The following PPP2R2C variants were observed in gnomAD, a reference collection of about 807,000 sequenced individuals.
PPP2R2C encodes protein phosphatase 2 regulatory subunit Bgamma.
PPP2R2C carries 10 observed loss-of-function variants against 45.3 expected under a neutral mutation model. The observed-to-expected ratio is 0.22, with a 90% CI of 0.14 to 0.37. PPP2R2C has a LOEUF of 0.37. PPP2R2C is among the 10% of genes least tolerant of loss of function. The pLI is 1.00. For missense variants in PPP2R2C, 308 were observed against 619.7 expected, an observed-to-expected ratio of 0.50 and a Z score of 5.34; for synonymous variants, 257 against 245.4, an observed-to-expected ratio of 1.05 and a Z score of -0.44.
chr4:6,417,051 C>T (rs909712588), intron 1 of PPP2R2C, among the ~76,000 whole-genome samples: 1 of 152,230 alleles, frequency 6.6e-6, no homozygotes, highest in African/African-American at 2.4e-5. Context: ...GGAAGCCCAC[C>T]GGGCCCCTGA....
chr4:6,531,187 T>C (rs1475018439), intron 2 of PPP2R2C, among the ~76,000 whole-genome samples: 1 of 152,176 alleles, frequency 6.6e-6, no homozygotes, highest in East Asian at 1.9e-4. Flanking sequence ...GGCACCGCTC[T>C]CCAGGGCAGT....
At chr4:6,439,130 G>T (rs1452361018) in intron 1 of PPP2R2C, among the ~76,000 whole-genome samples, 1 of 152,236 alleles carries the variant, frequency 6.6e-6, no homozygotes, top group Non-Finnish European at 1.5e-5. Context: ...GAAACAGGTA[G>T]AAGAGATACA....
chr4:6,350,792 G>C, intron 5 of PPP2R2C: 1 of 985,364 alleles, frequency 1.0e-6, no homozygotes, highest in Admixed American at 6.1e-5. Context: ...GCCAGCACGT[G>C]GTCTGCTGTG....
intron 2 of PPP2R2C, among the ~76,000 whole-genome samples, chr4:6,521,923 C>T (rs1000301179): frequency 6.6e-6 from 1 of 152,222 alleles, no homozygotes; most frequent in African/African-American, 2.4e-5. Flanking sequence ...AACCTGCCTC[C>T]AGCGGTGACT....
chr4:6,508,411 C>T (rs575022778), intron 2 of PPP2R2C, among the ~76,000 whole-genome samples: 1 of 152,198 alleles, frequency 6.6e-6, no homozygotes, highest in South Asian at 2.1e-4. Context: ...ATGGTGAAAC[C>T]CTGTCTCTAC....
At chr4:6,538,697 C>G (rs1332259752) in intron 1 of PPP2R2C, among the ~76,000 whole-genome samples, 1 of 152,244 alleles carries the variant, frequency 6.6e-6, no homozygotes, top group Non-Finnish European at 1.5e-5. Context: ...ACCACCCACA[C>G]CACGTGCTAC....
At chr4:6,420,434 C>T (rs76209006) in intron 1 of PPP2R2C, among the ~76,000 whole-genome samples, 6 of 152,186 alleles carry the variant, frequency 3.9e-5, no homozygotes, top group African/African-American at 1.2e-4. Context: ...GCTGCATGTG[C>T]GGCCTCTCGC....
intron 1 of PPP2R2C, chr4:6,535,387 GA>G (rs200742870): frequency 2.8e-5 from 40 of 1,451,582 alleles, no homozygotes; most frequent in East Asian, 1.8e-4. Context: ...TCTATAATCA[GA>G]AAAAAAAACT....
At chr4:6,523,263 G>C (rs1724083657) in intron 2 of PPP2R2C, among the ~76,000 whole-genome samples, 1 of 152,184 alleles carries the variant, frequency 6.6e-6, no homozygotes, top group Non-Finnish European at 1.5e-5. Flanking sequence ...ATGTTTGAAA[G>C]AAAGAACACA....
chr4:6,376,006 G>A, intron 3 of PPP2R2C, 75 bp from the exon 4 acceptor site: 1 of 1,286,784 alleles, frequency 7.8e-7, no homozygotes, highest in East Asian at 2.4e-5. Flanking sequence ...ACTTTAGAAG[G>A]TGAAATCATG....
chr4:6,373,916 T>TGTGTGTGTGTGTGC (rs1247010414), intron 4 of PPP2R2C, among the ~76,000 whole-genome samples: 1 of 151,938 alleles, frequency 6.6e-6, no homozygotes, highest in Non-Finnish European at 1.5e-5. Flanking sequence ...TGTGTGTGTG[T>TGTGTGTGTGTGTGC]GTGTGTGTGT....
chr4:6,528,809 C>A (rs1423304610), intron 2 of PPP2R2C, among the ~76,000 whole-genome samples: 3 of 152,142 alleles, frequency 2.0e-5, no homozygotes, highest in Non-Finnish European at 4.4e-5. Flanking sequence ...TACTGAGCAC[C>A]TTGTGACCCC....
At chr4:6,465,393 T>A (rs972754003) in intron 1 of PPP2R2C, among the ~76,000 whole-genome samples, 4 of 152,072 alleles carry the variant, frequency 2.6e-5, no homozygotes, top group Non-Finnish European at 5.9e-5. Flanking sequence ...AGCTGCCCAA[T>A]GGATGGCAGG....
At chr4:6,479,309 T>C (rs1722269074) in intron 2 of PPP2R2C, among the ~76,000 whole-genome samples, 2 of 152,196 alleles carry the variant, frequency 1.3e-5, no homozygotes. Flanking sequence ...AGCTTCCAGG[T>C]GGCTCTCTTG....
intron 1 of PPP2R2C, chr4:6,384,370 A>G: frequency 1.0e-6 from 1 of 985,472 alleles, no homozygotes; most frequent in South Asian, 4.7e-5. Context: ...AAAAGCTGGA[A>G]GAGAATTCTC....
At chr4:6,391,954 C>T (rs1205549900) in intron 1 of PPP2R2C, among the ~76,000 whole-genome samples, 2 of 152,232 alleles carry the variant, frequency 1.3e-5, no homozygotes, top group African/African-American at 4.8e-5. Flanking sequence ...GGAACACACA[C>T]CCTCCGAGGC....
intron 1 of PPP2R2C, among the ~76,000 whole-genome samples, chr4:6,449,014 C>T (rs919094800): frequency 6.6e-6 from 1 of 152,218 alleles, no homozygotes. Flanking sequence ...GGGTGATGCT[C>T]GGCTCAGCGG....
rs1461144424 is a variant in PPP2R2C, at chr4:6,323,257, T to C, written c.*45A>G. ...GCGGTCGTGAAGGTCATGTCGGGGA[T>C]GACTTGCATGAGGCTGGGTGGCAGG... On this transcript the variant is annotated 3_prime_UTR_variant, in exon 9 of 9. Coordinates refer to ENST00000382599, the MANE Select transcript of PPP2R2C (RefSeq NM_020416.4). 5 of 1,550,686 alleles carry C rather than the reference T, an allele frequency of 3.2e-6. No individual in the cohort carries two copies. The highest frequency in any genetic ancestry group is 4.4e-6 in the Non-Finnish European group (5 of 1,139,624).
intron 1 of PPP2R2C, among the ~76,000 whole-genome samples, chr4:6,394,445 G>A (rs1342037304): frequency 6.6e-6 from 1 of 152,228 alleles, no homozygotes; most frequent in Non-Finnish European, 1.5e-5. Flanking sequence ...TTGAAGCAAA[G>A]ATTAATCAAT....
Sources: gnomAD v4.1 joint callset for allele counts (sites outside exome capture counted in the v4.1 genomes callset) on GRCh38, gnomAD v4.1.1 for gene constraint, MANE v1.5 for transcripts, NCBI Gene and HGNC (gene_info 2026-07-23, HGNC 2026-07-21) for gene names.